The following PDE10A variants were observed in gnomAD, a reference collection of about 807,000 sequenced individuals.
The protein encoded by PDE10A is phosphodiesterase 10A.
A neutral mutation model predicts 97.7 loss-of-function variants in PDE10A; 39 were observed. The ratio of observed to expected loss-of-function variants is 0.40; its 90% confidence interval spans 0.31 to 0.52. PDE10A has a LOEUF of 0.52. Ranked by LOEUF, PDE10A falls within the 20% of genes least tolerant of loss-of-function variation. The pLI is 0.56. For synonymous variants in PDE10A, 371 were observed against 376.8 expected (o/e 0.98, Z 0.18); for missense variants, 731 against 1,047.8 (o/e 0.70, Z 4.17).
chr6:165,769,995 G>C (rs773370135), intron 1 of PDE10A, among the ~76,000 whole-genome samples: 22 of 152,072 alleles, frequency 1.4e-4, no homozygotes, highest in Non-Finnish European at 2.6e-4. Flanking sequence ...TCCTGAAAAG[G>C]AAAGTATTAA....
intron 3 of PDE10A, among the ~76,000 whole-genome samples, chr6:165,466,853 G>A (rs1442014695): frequency 6.6e-6 from 1 of 152,152 alleles, no homozygotes; most frequent in Admixed American, 6.5e-5. Context: ...CTAGAAATAA[G>A]TAAACCTAGT....
chr6:165,329,442 C>T lies in PDE10A; in HGVS notation c.*3583G>A. On this transcript the variant is annotated 3_prime_UTR_variant, in exon 22 of 22. Coordinates refer to ENST00000539869, the MANE Select transcript of PDE10A (RefSeq NM_001385079.1). Reference sequence around the variant, plus strand: ...ATACATGAATGAAGAAGTAAAATTGCAGTATTTAAAATAAAGGCACAGGCC... The same window carrying T: ...ATACATGAATGAAGAAGTAAAATTGTAGTATTTAAAATAAAGGCACAGGCC... 1 of 152,124 alleles carries T rather than the reference C, an allele frequency of 6.6e-6. No homozygotes were observed. The highest frequency in any genetic ancestry group is 1.5e-5 in the Non-Finnish European group (1 of 68,022). 9.4% of individuals were successfully genotyped at this position (152,124 alleles called of 1,614,324 possible). A position where few individuals can be genotyped will look rare whatever the true frequency, so the allele number is the denominator to read the frequency against.
intron 10 of PDE10A, among the ~76,000 whole-genome samples, chr6:165,420,419 A>G (rs1297935061): frequency 6.6e-6 from 1 of 152,202 alleles, no homozygotes; most frequent in Non-Finnish European, 1.5e-5. Flanking sequence ...TAAATATTTG[A>G]GGAAAAATGA....
chr6:165,584,087 G>A (rs1281813942), intron 1 of PDE10A, among the ~76,000 whole-genome samples: 1 of 152,142 alleles, frequency 6.6e-6, no homozygotes, highest in Non-Finnish European at 1.5e-5. Context: ...TGCTACTATC[G>A]GGTATTCTGG....
intron 1 of PDE10A, among the ~76,000 whole-genome samples, chr6:165,877,844 C>T (rs1781384928): frequency 1.3e-5 from 2 of 152,178 alleles, no homozygotes; most frequent in Admixed American, 1.3e-4. Flanking sequence ...CACCAAACAA[C>T]CCTCTGAGGA....
intron 1 of PDE10A, among the ~76,000 whole-genome samples, chr6:165,864,664 C>T (rs78075358): frequency 0.056 from 8,566 of 152,094 alleles, 281 homozygotes; most frequent in Middle Eastern, 0.085. Flanking sequence ...TTGGCAAATC[C>T]CATCAAAAAG....
intron 1 of PDE10A, chr6:165,775,620 G>A (rs1014696222): frequency 1.3e-5 from 2 of 152,140 alleles, no homozygotes; most frequent in African/African-American, 2.4e-5. Flanking sequence ...TTTCCTAGTG[G>A]AACAATAAAT....
chr6:165,987,526 T>A (rs545810909), intron 1 of PDE10A: 2 of 363,702 alleles, frequency 5.5e-6, no homozygotes, highest in South Asian at 4.2e-5. Context: ...ACTGTCAACT[T>A]ACCCGCCAAA....
At chr6:165,478,227 T>A (rs1779402353) in intron 3 of PDE10A, among the ~76,000 whole-genome samples, 1 of 152,194 alleles carries the variant, frequency 6.6e-6, no homozygotes, top group Non-Finnish European at 1.5e-5. Flanking sequence ...GAAATTTTAT[T>A]CTATCAAGTG....
intron 4 of PDE10A, among the ~76,000 whole-genome samples, chr6:165,449,780 A>G (rs905651672): frequency 6.6e-6 from 1 of 152,192 alleles, no homozygotes; most frequent in African/African-American, 2.4e-5. Flanking sequence ...CTTCTGAAAA[A>G]TCATGTCCTA....
chr6:165,372,067 A>G (rs865937361), intron 18 of PDE10A, among the ~76,000 whole-genome samples: 17 of 150,474 alleles, frequency 1.1e-4, no homozygotes, highest in South Asian at 8.6e-4. Flanking sequence ...AGGTATTGAT[A>G]GGACGTATCT....
At chr6:165,464,181 TAC>T (rs1413019854) in intron 3 of PDE10A, among the ~76,000 whole-genome samples, 284 of 150,954 alleles carry the variant, frequency 1.9e-3, no homozygotes, top group Non-Finnish European at 3.5e-3. Flanking sequence ...TCTCGGCATA[TAC>T]ATACACACAC....
intron 1 of PDE10A, among the ~76,000 whole-genome samples, chr6:165,599,958 GGCC>G (rs1786839692): frequency 6.6e-6 from 1 of 152,162 alleles, no homozygotes; most frequent in African/African-American, 2.4e-5. Context: ...CCAACTCTCA[GGCC>G]TAGGATTGGC....
intron 1 of PDE10A, among the ~76,000 whole-genome samples, chr6:165,835,751 C>T (rs138983275): frequency 3.0e-4 from 46 of 152,146 alleles, no homozygotes; most frequent in Non-Finnish European, 5.9e-4. Flanking sequence ...CAGCTCAGAA[C>T]GGCCTTGGCA....
chr6:165,472,541 T>C (rs117583858), intron 3 of PDE10A, among the ~76,000 whole-genome samples: 3,612 of 152,278 alleles, frequency 0.024, 71 homozygotes, highest in Admixed American at 0.034. Context: ...TAATAAATAA[T>C]TGTAAGGACA....
intron 12 of PDE10A, 69 bp downstream of exon 12, chr6:165,416,120 G>T: frequency 9.9e-7 from 1 of 1,009,518 alleles, no homozygotes; most frequent in Non-Finnish European, 1.6e-6. Context: ...AGGCTCCACG[G>T]AAGAGGTTTC....
chr6:165,765,532 T>C (rs918519049), intron 1 of PDE10A, among the ~76,000 whole-genome samples: 7 of 152,236 alleles, frequency 4.6e-5, no homozygotes, highest in African/African-American at 7.2e-5. Context: ...GCCCGGGTGC[T>C]AAGTCCCTCA....
intron 1 of PDE10A, among the ~76,000 whole-genome samples, chr6:165,592,612 A>C (rs1008467396): frequency 6.6e-6 from 1 of 152,224 alleles, no homozygotes; most frequent in African/African-American, 2.4e-5. Context: ...CGAGAAAAAA[A>C]CACCACCATC....
intron 1 of PDE10A, among the ~76,000 whole-genome samples, chr6:165,590,874 G>C (rs1456465668): frequency 6.6e-6 from 1 of 152,110 alleles, no homozygotes; most frequent in Non-Finnish European, 1.5e-5. Flanking sequence ...CTGGGCGACA[G>C]AGCGAGACTC....
Sources: allele counts gnomAD v4.1 joint callset (sites outside exome capture counted in the v4.1 genomes callset), GRCh38; gene constraint gnomAD v4.1.1; transcripts MANE v1.5; gene names NCBI Gene and HGNC (gene_info 2026-07-23, HGNC 2026-07-21).